Variants in ABCB4 observed in about 807,000 individuals in gnomAD.
ABCB4 encodes the protein phosphatidylcholine translocator ABCB4.
A neutral mutation model predicts 145.7 loss-of-function variants in ABCB4; 76 were observed. The ratio of observed to expected loss-of-function variants is 0.52; its 90% confidence interval spans 0.43 to 0.63. The LOEUF is 0.63. Among genes scored for constraint, ABCB4 ranks in the 30% least tolerant of loss-of-function variants. The pLI is 0.00. For missense variants in ABCB4, 1,234 were observed against 1,553.1 expected (o/e 0.79, Z 3.45); for synonymous variants, 517 against 566.8 (o/e 0.91, Z 1.25).
At chr7:87,383,097 T>TA in the ABCB4 span, among the ~76,000 whole-genome samples, 1 of 152,222 alleles carries the variant, frequency 6.6e-6, no homozygotes, top group Admixed American at 6.5e-5. Context: ...AACCATTTAT[T>TA]ACGTCTTCGT....
In ABCB4 at chr7:87,403,065, TC is replaced by T; in HGVS notation, c.3633+69del. 4 of 1,543,740 alleles carry T rather than the reference TC, an allele frequency of 2.6e-6. No individual in the cohort carries two copies. The South Asian group carries it at 3.3e-5, about 13-fold the overall frequency. On this transcript the variant is annotated intron_variant, in intron 27 of 27. Transcript: ENST00000649586. ...CCCCCTGTGCTTGTGTGTGTTTTTT[TC>T]ATGGTTGACAGCAAAATCCCTTCTA... is the stretch of plus-strand genomic sequence containing the variant.
Position 87,431,525 on chromosome 7 carries a change from A to G in ABCB4, c.1772T>C (p.Leu591Pro). The change falls in exon 15 of 28, where the codon CTG becomes CCG. Residue 591 changes from leucine (L) to proline (P), a missense_variant. By Grantham distance (98) the Leu-to-Pro change is moderately conservative. Around this residue, in one of 7 missense-constraint regions of ABCB4, gnomAD observed 321 missense variants for 332.6 expected, o/e 0.97. Coordinates refer to ENST00000649586, the MANE Select transcript of ABCB4 (RefSeq NM_000443.4). ...GACATCTGCATTTCGGACCGTAGAC[A>G]GTCGGTGTGCTATCACAATGGTGGT... ...GRTTIVIAHRLSTVRNADVIA... is the reference protein window; with the variant it reads ...GRTTIVIAHRPSTVRNADVIA... 1 of 1,614,114 alleles carries G rather than the reference A, an allele frequency of 6.2e-7. No individual in the cohort carries two copies. The highest frequency in any genetic ancestry group is 1.1e-5 in the South Asian group (1 of 91,070).
the ABCB4 span, among the ~76,000 whole-genome samples, chr7:87,395,108 C>T: frequency 0.012 from 1,884 of 152,238 alleles, 37 homozygotes; most frequent in African/African-American, 0.042. Flanking sequence ...TTAACTCACA[C>T]GATCACAAGG....
intron 14 of ABCB4, among the ~76,000 whole-genome samples, chr7:87,434,177 C>T (rs1810450282): frequency 6.8e-6 from 1 of 146,958 alleles, no homozygotes; most frequent in African/African-American, 2.5e-5. Context: ...CTCCTGACCT[C>T]GTGATCCGCC....
intron 8 of ABCB4, among the ~76,000 whole-genome samples, chr7:87,449,283 T>G (rs1811547224): frequency 6.6e-6 from 1 of 152,110 alleles, no homozygotes; most frequent in East Asian, 1.9e-4. Context: ...AGGAAGTCGA[T>G]GTTTTCTCAG....
chr7:87,384,822 C>A, the ABCB4 span, among the ~76,000 whole-genome samples: 2 of 152,116 alleles, frequency 1.3e-5, no homozygotes, highest in African/African-American at 2.4e-5. Flanking sequence ...TCAATGTTTT[C>A]TTTTAGTAGT....
the ABCB4 span, among the ~76,000 whole-genome samples, chr7:87,388,868 A>G: frequency 6.6e-6 from 1 of 152,208 alleles, no homozygotes; most frequent in South Asian, 2.1e-4. Flanking sequence ...AATTTTTGCA[A>G]TCTAACCACC....
chr7:87,441,333 T>C (rs544380594), intron 12 of ABCB4, among the ~76,000 whole-genome samples: 8 of 152,288 alleles, frequency 5.3e-5, no homozygotes, highest in Admixed American at 3.3e-4. Flanking sequence ...CACTGGGTTT[T>C]ATCATTTTAA....
chr7:87,393,445 A>G, the ABCB4 span, among the ~76,000 whole-genome samples: 1 of 152,194 alleles, frequency 6.6e-6, no homozygotes, highest in African/African-American at 2.4e-5. Context: ...AATGAGATAG[A>G]GAAAAGAGAT....
At chr7:87,475,724 G>A, upstream of ABCB4, 1 of 374,238 alleles carries the variant, frequency 2.7e-6, no homozygotes, top group Non-Finnish European at 4.7e-6. Context: ...CCTCGCCCCC[G>A]CCCCCGCCCC....
chr7:87,475,900 C>T (rs1343473100), upstream of ABCB4, among the ~76,000 whole-genome samples: 1 of 152,034 alleles, frequency 6.6e-6, no homozygotes, highest in Non-Finnish European at 1.5e-5. Context: ...CGGCTGGGGC[C>T]GCCGCCCACC....
intron 14 of ABCB4, among the ~76,000 whole-genome samples, chr7:87,433,669 G>GTTTTTTTTTTTTTTTT (rs752621529): frequency 1.6e-5 from 2 of 124,052 alleles, no homozygotes; most frequent in Non-Finnish European, 3.2e-5. Context: ...ACAAAAAATT[G>GTTTTTTTTTTTTTTTT]TTGTTGTTTT....
At chr7:87,468,337 C>T (rs948471665) in intron 3 of ABCB4, among the ~76,000 whole-genome samples, 8 of 152,164 alleles carry the variant, frequency 5.3e-5, no homozygotes, top group Admixed American at 2.0e-4. Flanking sequence ...CCTCCCAAGA[C>T]TAAACCAGGA....
At chr7:87,423,707 A>G (rs948048145) in intron 17 of ABCB4, 199 bp downstream of exon 17, 3 of 618,168 alleles carry the variant, frequency 4.9e-6, no homozygotes, top group Non-Finnish European at 8.4e-6. Flanking sequence ...TTATAATTTC[A>G]TTAATATCAT....
Position 87,453,737 on chromosome 7 carries a change from G to A in ABCB4, c.345-602C>T, listed in dbSNP as rs918564934. On this transcript the variant is annotated intron_variant, in intron 5 of 27. Transcript: ENST00000649586. ...TGTTTTTAACTGATATTGATAACTT[G>A]TGGATACAATTTAACTCCTCTTTAA... Among the ~76,000 whole-genome samples, 5 of 152,162 alleles carry A rather than the reference G, an allele frequency of 3.3e-5. No homozygotes were observed. The South Asian group carries it at 1.0e-3, about 32-fold the overall frequency.
chr7:87,412,122 G>A (rs1366099846), intron 22 of ABCB4, 89 bp from the exon 23 acceptor site: 14 of 1,499,728 alleles, frequency 9.3e-6, no homozygotes, highest in South Asian at 3.4e-5. Context: ...AAGTCTGGCC[G>A]AGTGGGTTTA....
intron 9 of ABCB4, among the ~76,000 whole-genome samples, chr7:87,445,342 T>C (rs1460401204): frequency 1.3e-5 from 2 of 152,216 alleles, no homozygotes; most frequent in Admixed American, 6.5e-5. Flanking sequence ...ATATAAAACA[T>C]GGCAGATTTT....
intron 2 of ABCB4, among the ~76,000 whole-genome samples, chr7:87,474,326 T>C (rs1008273529): frequency 2.6e-5 from 4 of 152,214 alleles, no homozygotes; most frequent in Admixed American, 1.3e-4. Flanking sequence ...AGTACTTCCA[T>C]TGGAAGTAAC....
chr7:87,423,672 A>G (rs1809607929), intron 17 of ABCB4: 1 of 535,754 alleles, frequency 1.9e-6, no homozygotes, highest in Admixed American at 3.1e-5. Context: ...GCTCATTAGA[A>G]TGCCTTCTTC....
Sources: gnomAD v4.1 joint callset for allele counts (sites outside exome capture counted in the v4.1 genomes callset) on GRCh38, gnomAD v4.1.1 for gene constraint, gnomAD v4.1.1 regional missense constraint, MANE v1.5 for transcripts, NCBI Gene and HGNC (gene_info 2026-07-23, HGNC 2026-07-21) for gene names.